The following CA6 variants were observed in gnomAD, a reference collection of about 807,000 sequenced individuals.
CA6 encodes carbonate dehydratase VI.
CA6 carries 28 observed loss-of-function variants against 35.9 expected under a neutral mutation model. That is an observed-to-expected ratio of 0.78 (90% CI 0.58 to 1.07). CA6 has a LOEUF of 1.07. Among genes scored for constraint, CA6 ranks in the 50% least tolerant of loss-of-function variants. The pLI is 0.00. For missense variants in CA6, 377 were observed against 382.0 expected, an observed-to-expected ratio of 0.99 and a Z score of 0.11; for synonymous variants, 148 against 152.6, an observed-to-expected ratio of 0.97 and a Z score of 0.22.
At chr1:8,947,772 G>T (rs1315965872) in intron 1 of CA6, among the ~76,000 whole-genome samples, 1 of 151,990 alleles carries the variant, frequency 6.6e-6, no homozygotes, top group Non-Finnish European at 1.5e-5. Flanking sequence ...AAAGCATCTT[G>T]CTCTGAGAAG....
chr1:8,959,803 G>T (rs2124166252), intron 4 of CA6, among the ~76,000 whole-genome samples: 1 of 151,676 alleles, frequency 6.6e-6, no homozygotes, highest in African/African-American at 2.4e-5. Flanking sequence ...ATGGTGGCAG[G>T]CGCCTGTAAT....
At position 8,957,785 on chromosome 1, in the gene CA6, CAAAAAAA is replaced by C. The variant is rs869085886; in HGVS notation, c.408+517_408+523del. ...GCAATGTAGCGAGATCTTGTGTCTA[CAAAAAAA>C]AAAAAAAAAAAAAAAATTAGCCAGG... On this transcript the variant is annotated intron_variant, in intron 3 of 7. Transcript: ENST00000377443. Among the ~76,000 whole-genome samples, 11 of 79,302 alleles carry C rather than the reference CAAAAAAA, an allele frequency of 1.4e-4. No homozygotes were observed. The East Asian group carries it at 2.2e-3, about 16-fold the overall frequency. 52.0% of individuals were successfully genotyped at this position (79,302 alleles called of 152,430 possible). A position where few individuals can be genotyped will look rare whatever the true frequency, so the allele number is the denominator to read the frequency against.
At chr1:8,970,765 T>C in intron 6 of CA6, 102 bp from the exon 7 acceptor site, 1 of 781,566 alleles carries the variant, frequency 1.3e-6, no homozygotes, top group South Asian at 1.4e-5. Context: ...CCTCCCAAAA[T>C]GCTGGGATTA....
In CA6 at chr1:8,963,906, G is replaced by A. The variant is rs560058245; in HGVS notation, c.571+1250G>A. On this transcript the variant is annotated intron_variant, in intron 5 of 7. Coordinates refer to ENST00000377443, the MANE Select transcript of CA6 (RefSeq NM_001215.4). The surrounding 1 kb of genome is among the most constrained non-coding windows in gnomAD (Gnocchi z 4.1). ...GTGCCCAGAAATCCTAAAGTATCACGCTGGGCATTTTCTTTCTGACCTCCC... is the reference window on the plus strand; with the variant it reads ...GTGCCCAGAAATCCTAAAGTATCACACTGGGCATTTTCTTTCTGACCTCCC... Among the ~76,000 whole-genome samples, 10 of 152,256 alleles carry A rather than the reference G, an allele frequency of 6.6e-5. No homozygotes were observed. Among genetic ancestry groups the A allele is most frequent in the Admixed American group, 2.6e-4 (4 of 15,278 alleles).
intron 7 of CA6, among the ~76,000 whole-genome samples, chr1:8,973,773 T>TTTCC (rs1640188000): frequency 2.6e-5 from 1 of 38,288 alleles, no homozygotes; most frequent in African/African-American, 1.4e-4. Context: ...TCTTTCTTTC[T>TTTCC]TTCTTTCTTT....
intron 4 of CA6, among the ~76,000 whole-genome samples, chr1:8,960,994 A>G (rs6691526): frequency 0.2 from 31,073 of 152,078 alleles, 3,290 homozygotes; most frequent in Non-Finnish European, 0.21. Flanking sequence ...GCAGCAAGAG[A>G]AAAGGGATTT....
chr1:8,960,092 G>A (rs1365614327), intron 4 of CA6, among the ~76,000 whole-genome samples: 9 of 151,030 alleles, frequency 6.0e-5, no homozygotes, highest in East Asian at 2.0e-4. Context: ...GTAGCCAGGC[G>A]TGGTGACGCA....
intron 2 of CA6, among the ~76,000 whole-genome samples, chr1:8,954,574 C>T (rs143481531): frequency 4.3e-4 from 65 of 152,150 alleles, no homozygotes; most frequent in African/African-American, 1.4e-3. Flanking sequence ...GGATTGGGAC[C>T]GGTTTTTGGT....
intron 2 of CA6, among the ~76,000 whole-genome samples, chr1:8,950,521 C>G (rs1224982079): frequency 6.6e-6 from 1 of 151,960 alleles, no homozygotes; most frequent in Non-Finnish European, 1.5e-5. Flanking sequence ...TCTGCACTCT[C>G]TCACTCCTGC....
intron 6 of CA6, among the ~76,000 whole-genome samples, chr1:8,970,205 CAAA>C (rs57388930): frequency 2.3e-4 from 20 of 88,008 alleles, no homozygotes; most frequent in African/African-American, 3.1e-4. Context: ...ACTCTGGTCT[CAAA>C]AAAAAAAAAA....
At chr1:8,967,577 T>G (rs1640000467) in intron 5 of CA6, 82 bp from the exon 6 acceptor site, 1 of 1,115,424 alleles carries the variant, frequency 9.0e-7, no homozygotes, top group Non-Finnish European at 1.3e-6. Context: ...GATTGGAACC[T>G]GGCGAGGCCT....
chr1:8,952,543 T>C (rs1557621942), intron 2 of CA6: 1 of 152,198 alleles, frequency 6.6e-6, no homozygotes, highest in South Asian at 2.1e-4. Context: ...GGAATTCTAC[T>C]GAAGGGGGAA....
In CA6 at chr1:8,947,283, G is replaced by C. The variant is rs111481869; in HGVS notation, c.79+1318G>C. ...CCCCCTTCTTTCCATACGGGACCAT[G>C]GATTGGGGCCCATGAGGAGGCTGGT... On this transcript the variant is annotated intron_variant, in intron 1 of 7. Transcript: ENST00000377443. Among the ~76,000 whole-genome samples, 750 of 152,200 alleles carry C rather than the reference G, an allele frequency of 4.9e-3. 9 individuals are homozygous for C. The highest frequency in any genetic ancestry group is 0.017 in the African/African-American group (717 of 41,476).
intron 5 of CA6, among the ~76,000 whole-genome samples, chr1:8,966,110 T>C (rs1639960772): frequency 6.6e-6 from 1 of 152,142 alleles, no homozygotes; most frequent in Non-Finnish European, 1.5e-5. Flanking sequence ...CTATGTTTTT[T>C]TAATTTTAAT....
At chr1:8,952,414 T>A (rs1461535420) in intron 2 of CA6, 1 of 151,804 alleles carries the variant, frequency 6.6e-6, no homozygotes, top group African/African-American at 2.4e-5. Context: ...TGAGATTATA[T>A]GCATAAGCCA....
chr1:8,972,992 T>A (rs1009858048), intron 7 of CA6, among the ~76,000 whole-genome samples: 2 of 152,134 alleles, frequency 1.3e-5, no homozygotes, highest in Non-Finnish European at 2.9e-5. Context: ...GCAAGCAGGC[T>A]GACCAAAGGG....
intron 7 of CA6, 140 bp from the exon 8 acceptor site, chr1:8,974,482 G>A (rs771273995): frequency 1.8e-5 from 26 of 1,483,682 alleles, no homozygotes; most frequent in Middle Eastern, 1.7e-4. Context: ...GCAATGCACC[G>A]GGCACGTGGA....
rs1356557290 is a variant in CA6 at position 8,957,427 on chromosome 1, G to A, written c.408+142G>A. 2.1e-5 allele frequency: 15 copies of A among 722,238 alleles called. No homozygotes were observed. The South Asian group carries it at 2.9e-4, about 14-fold the overall frequency. 44.7% of individuals were successfully genotyped at this position (722,238 alleles called of 1,614,324 possible). A position where few individuals can be genotyped will look rare whatever the true frequency, so the allele number is the denominator to read the frequency against. On this transcript the variant is annotated intron_variant, in intron 3 of 7. Transcript: ENST00000377443. ...ACAATCTCAGCTCACTGCAACCTCC[G>A]CCTTCTGGGTTCAAGCAATTCTCCT... is the stretch of plus-strand genomic sequence containing the variant.
At chr1:8,973,712 CTTTCTTTCTTTCTTTCTTTCTTTCTT>C (rs1300029739) in intron 7 of CA6, among the ~76,000 whole-genome samples, 3 of 71,446 alleles carry the variant, frequency 4.2e-5, no homozygotes, top group South Asian at 4.3e-4. Context: ...CTTTCTCTCT[CTTTCTTTCTTTCTTTCTTTCTTTCTT>C]TCTTTCTTTC....
Sources: allele counts gnomAD v4.1 joint callset (sites outside exome capture counted in the v4.1 genomes callset), GRCh38; gene constraint gnomAD v4.1.1; non-coding constraint Gnocchi (gnomAD v3.1); transcripts MANE v1.5; gene names NCBI Gene and HGNC (gene_info 2026-07-23, HGNC 2026-07-21).